Variants in TTC23L observed in about 807,000 individuals in gnomAD.
TTC23L encodes tetratricopeptide repeat protein 23-like.
Under a neutral mutation model 48.1 loss-of-function variants are expected in TTC23L, and 42 were observed. The ratio of observed to expected loss-of-function variants is 0.87; its 90% CI spans 0.68 to 1.13. The LOEUF is 1.13. TTC23L is among the 50% of genes most tolerant of loss of function. The pLI is 0.00. For missense variants in TTC23L, 391 were observed against 421.0 expected, an observed-to-expected ratio of 0.93 and a Z score of 0.62; for synonymous variants, 159 against 157.2, an observed-to-expected ratio of 1.01 and a Z score of -0.09.
chr5:34,894,422 A>G (rs560416971), intron 9 of TTC23L, among the ~76,000 whole-genome samples: 2 of 152,302 alleles, frequency 1.3e-5, no homozygotes, highest in Non-Finnish European at 2.9e-5. Flanking sequence ...TATGAAAAGT[A>G]CACATTAGTG....
At chr5:34,885,006 T>G (rs1339272129) in intron 9 of TTC23L, among the ~76,000 whole-genome samples, 1 of 152,228 alleles carries the variant, frequency 6.6e-6, no homozygotes, top group Non-Finnish European at 1.5e-5. Flanking sequence ...TGATGTACAG[T>G]TCTTGAGGGA....
chr5:34,861,756 G>C (rs1400302920), intron 4 of TTC23L, among the ~76,000 whole-genome samples: 3 of 152,194 alleles, frequency 2.0e-5, no homozygotes, highest in African/African-American at 7.2e-5. Flanking sequence ...ACTGGGGCTG[G>C]TGGTGTGAAG....
At chr5:34,846,582 T>A (rs1439202441) in intron 3 of TTC23L, among the ~76,000 whole-genome samples, 10,467 of 64,982 alleles carry the variant, frequency 0.16, 1,996 homozygotes, top group African/African-American at 0.42. Flanking sequence ...AAAAAATATA[T>A]ATATATATAT....
intron 1 of TTC23L, chr5:34,839,642 C>T (rs1251055700): frequency 4.1e-6 from 4 of 985,130 alleles, no homozygotes; most frequent in Admixed American, 6.2e-5. Context: ...ATAATGGATG[C>T]TCTGGAGCCT....
rs955143385 is a variant in TTC23L, at chr5:34,891,553, T to C, written c.1078-5217T>C. Reference sequence around the variant, plus strand: ...CAGAATATTTGAAATCAGAGATGATTGTTAGCCACTATTACCATAGGTTAG... The same window carrying C: ...CAGAATATTTGAAATCAGAGATGATCGTTAGCCACTATTACCATAGGTTAG... On this transcript the variant is annotated intron_variant, in intron 9 of 10. Coordinates refer to ENST00000505624, the Ensembl canonical transcript of TTC23L. 3.3e-5 allele frequency among the ~76,000 whole-genome samples: 5 copies of C among 152,354 alleles called. No homozygotes were observed. In the East Asian group the frequency reaches 9.6e-4, roughly 29 times the overall value.
intron 9 of TTC23L, among the ~76,000 whole-genome samples, chr5:34,890,096 C>T: frequency 6.6e-6 from 1 of 151,914 alleles, no homozygotes; most frequent in South Asian, 2.1e-4. Flanking sequence ...CTCAGCCTCC[C>T]TAGGTGAGTG....
rs954231558 is a variant in TTC23L at position 34,873,473 on chromosome 5, C to A, written c.949+4460C>A. Among the ~76,000 whole-genome samples the A allele has an allele frequency of 2.6e-5, 4 of 152,148 alleles. 2 individuals carry two copies. The highest frequency in any genetic ancestry group is 2.6e-4 in the Admixed American group (4 of 15,282). On this transcript the variant is annotated intron_variant, in intron 8 of 10. Coordinates refer to ENST00000505624, the Ensembl canonical transcript of TTC23L. Reference sequence around the variant, plus strand: ...GCCCCAGGTCGGTCCATGAGAATTGCAATGTTATCACCACGGGCCGCACAG... The same window carrying A: ...GCCCCAGGTCGGTCCATGAGAATTGAAATGTTATCACCACGGGCCGCACAG...
the TTC23L span, chr5:34,922,004 A>G: frequency 3.2e-6 from 1 of 313,150 alleles, no homozygotes; most frequent in Non-Finnish European, 5.8e-6. Flanking sequence ...AATTTCACCC[A>G]AGATATGGGC....
Position 34,863,160 on chromosome 5 carries a change from G to C in TTC23L, c.536+106G>C. The stretch of plus-strand genomic sequence containing the variant: ...TGGGAGATGGAACCAAGGCCTTGTA[G>C]ATCTGTTCCAACATCAAGGCCCTCC... On this transcript the variant is annotated intron_variant, in intron 5 of 10. Transcript: ENST00000505624. This position sits in a 1 kb window ranked among gnomAD's most constrained non-coding sequence, Gnocchi z 4.1. 6.9e-7 allele frequency: 1 copy of C among 1,445,824 alleles called. No individual in the cohort carries two copies. Among genetic ancestry groups the C allele is most frequent in the South Asian group, 1.3e-5 (1 of 77,088 alleles). 89.6% of individuals were successfully genotyped at this position (1,445,824 alleles called of 1,614,324 possible).
At chr5:34,925,310 G>C in the TTC23L span, 1 of 1,612,590 alleles carries the variant, frequency 6.2e-7, no homozygotes, top group Non-Finnish European at 8.5e-7. Context: ...GAGAAAGAAA[G>C]AGCCGAAGAC....
At chr5:34,887,515 G>A (rs1762613416) in intron 9 of TTC23L, among the ~76,000 whole-genome samples, 1 of 152,128 alleles carries the variant, frequency 6.6e-6, no homozygotes, top group South Asian at 2.1e-4. Context: ...TTGCAACACA[G>A]TAGGAAACAA....
At chr5:34,923,115 A>G in the TTC23L span, 2 of 1,601,884 alleles carry the variant, frequency 1.2e-6, no homozygotes, top group Non-Finnish European at 8.6e-7. Flanking sequence ...AGGAACTAAC[A>G]TACACTTTTT....
chr5:34,884,530 A>G (rs1303898174), intron 9 of TTC23L, among the ~76,000 whole-genome samples: 1 of 152,090 alleles, frequency 6.6e-6, no homozygotes, highest in Non-Finnish European at 1.5e-5. Flanking sequence ...ACATACACAC[A>G]CACACACACA....
the TTC23L span, chr5:34,920,536 CA>C: frequency 6.6e-6 from 1 of 152,142 alleles, no homozygotes; most frequent in Non-Finnish European, 1.5e-5. Context: ...TTCAACAGAG[CA>C]ATGTCCCTGT....
At position 34,846,659 on chromosome 5, in the gene TTC23L, ATGTGTGTATGTGTG is replaced by A. The variant is rs1396125896; in HGVS notation, c.255+994_255+1007del. On this transcript the variant is annotated intron_variant, in intron 3 of 10. Coordinates refer to ENST00000505624, the Ensembl canonical transcript of TTC23L. ...TATACGTATATATACAAATACATAT[ATGTGTGTATGTGTG>A]TGTGTGTGTGTGTGTGTGTGTGTGT... 2.0e-3 allele frequency among the ~76,000 whole-genome samples: 140 copies of A among 69,162 alleles called. 1 individual carries two copies. Among genetic ancestry groups the A allele is most frequent in the African/African-American group, 5.4e-3 (134 of 24,890 alleles). The allele number at this position is 69,162 out of a possible 152,430, so 45.4% of individuals were successfully genotyped here.
chr5:34,880,238 C>G lies in TTC23L; in HGVS notation c.1007C>G (p.Ser336Ter). ...AATGCATATCGAGCAACATTGGGCT[C>G]AGAGGATTTTGAAACACTGAGCACC... The change falls in exon 9 of 11, where the codon TCA becomes TGA. Residue 336 changes from serine to a stop codon, truncating the protein, a stop_gained. Coordinates refer to ENST00000505624, the Ensembl canonical transcript of TTC23L. LOFTEE classifies it high-confidence loss of function. The G allele has an allele frequency of 6.2e-7, 1 of 1,613,476 alleles. No homozygotes were observed. Among genetic ancestry groups the G allele is most frequent in the Non-Finnish European group, 8.5e-7 (1 of 1,179,780 alleles).
exon 8 of TTC23L, chr5:34,868,985 T>C: frequency 6.2e-7 from 1 of 1,609,602 alleles, no homozygotes; most frequent in Non-Finnish European, 8.5e-7. Context: ...CCAAAGCTTA[T>C]GCCATGTCTG....
chr5:34,920,361 A>G, the TTC23L span: 1 of 151,910 alleles, frequency 6.6e-6, no homozygotes, highest in Admixed American at 6.6e-5. Context: ...ACACTTAGGT[A>G]TTTTTTTTAA....
At chr5:34,847,346 A>T (rs779628925) in intron 3 of TTC23L, among the ~76,000 whole-genome samples, 2 of 151,666 alleles carry the variant, frequency 1.3e-5, no homozygotes, top group South Asian at 2.1e-4. Flanking sequence ...AGGCTTAAAA[A>T]CTCCTTGGCC....
Sources: allele counts gnomAD v4.1 joint callset (sites outside exome capture counted in the v4.1 genomes callset), GRCh38; gene constraint gnomAD v4.1.1; non-coding constraint Gnocchi (gnomAD v3.1); transcripts MANE v1.5; gene names NCBI Gene and HGNC (gene_info 2026-07-23, HGNC 2026-07-21).